The following SUPT3H variants were observed in gnomAD, a reference collection of about 807,000 sequenced individuals.
The protein encoded by SUPT3H is SPT3 homolog, SAGA and STAGA complex component, also known as transcription initiation protein SPT3 homolog.
Under a neutral mutation model 44.3 loss-of-function variants are expected in SUPT3H, and 44 were observed. The ratio of observed to expected loss-of-function variants is 0.99; its 90% CI spans 0.78 to 1.28. The LOEUF (loss-of-function observed/expected upper bound fraction) is 1.28. SUPT3H is among the 50% of genes most tolerant of loss of function. The pLI is 0.00. For missense variants in SUPT3H, 380 were observed against 387.1 expected, an observed-to-expected ratio of 0.98 and a Z score of 0.15; for synonymous variants, 124 against 125.6, an observed-to-expected ratio of 0.99 and a Z score of 0.09.
At chr6:45,108,576 AAAAAG>A (rs1338577309) in intron 2 of SUPT3H, among the ~76,000 whole-genome samples, 2 of 152,194 alleles carry the variant, frequency 1.3e-5, no homozygotes, top group African/African-American at 4.8e-5. Flanking sequence ...TAGAAAATGA[AAAAAG>A]AAAACCTACA....
chr6:45,354,421 C>T (rs897205588), intron 2 of SUPT3H, among the ~76,000 whole-genome samples: 1 of 152,154 alleles, frequency 6.6e-6, no homozygotes, highest in Non-Finnish European at 1.5e-5. Context: ...CAAATGTACA[C>T]ACCCCAAAGT....
At chr6:45,349,316 C>A (rs1791558018) in intron 2 of SUPT3H, among the ~76,000 whole-genome samples, 1 of 152,130 alleles carries the variant, frequency 6.6e-6, no homozygotes, top group Non-Finnish European at 1.5e-5. Context: ...AATGTGGGTT[C>A]TTTCTTGGCT....
At chr6:45,184,003 G>A (rs1813732117) in intron 2 of SUPT3H, among the ~76,000 whole-genome samples, 1 of 152,148 alleles carries the variant, frequency 6.6e-6, no homozygotes, top group African/African-American at 2.4e-5. Flanking sequence ...GTATGATACT[G>A]TAATGGTGCA....
At chr6:45,229,515 G>A (rs1767568300) in intron 2 of SUPT3H, among the ~76,000 whole-genome samples, 1 of 151,934 alleles carries the variant, frequency 6.6e-6, no homozygotes, top group African/African-American at 2.4e-5. Context: ...AGACATAGAT[G>A]GTGTTCTATA....
chr6:45,148,774 T>C lies in SUPT3H; in HGVS notation c.102-42768A>G, dbSNP rs146730003. 4.6e-5 allele frequency among the ~76,000 whole-genome samples: 7 copies of C among 152,300 alleles called. No homozygotes were observed. The East Asian group carries it at 1.2e-3, about 25-fold the overall frequency. ...TTATTTATTAACCATTTAACACTTA[T>C]GATATTTTTTAAATGTGTTACTGAG... On this transcript the variant is annotated intron_variant, in intron 2 of 10. Coordinates refer to ENST00000371459, the MANE Select transcript of SUPT3H (RefSeq NM_003599.4).
At chr6:45,273,495 A>G (rs1250163529) in intron 2 of SUPT3H, among the ~76,000 whole-genome samples, 1 of 152,224 alleles carries the variant, frequency 6.6e-6, no homozygotes. Context: ...TATCCATCTT[A>G]GTCCCTCAAA....
intron 2 of SUPT3H, among the ~76,000 whole-genome samples, chr6:45,341,480 TA>T (rs1789762098): frequency 6.6e-6 from 1 of 152,162 alleles, no homozygotes; most frequent in Admixed American, 6.6e-5. Context: ...AGGATCACAC[TA>T]AAATAAATAC....
chr6:45,318,473 T>C (rs1393140910), intron 2 of SUPT3H, among the ~76,000 whole-genome samples: 2 of 152,256 alleles, frequency 1.3e-5, no homozygotes, highest in East Asian at 3.9e-4. Context: ...AGACCACCAA[T>C]GCAAGATATT....
intron 2 of SUPT3H, among the ~76,000 whole-genome samples, chr6:45,333,460 C>A (rs1328783509): frequency 3.3e-5 from 5 of 151,462 alleles, no homozygotes; most frequent in Non-Finnish European, 7.4e-5. Flanking sequence ...ATTTCCTCCC[C>A]TTTATACTAT....
chr6:45,311,803 A>G (rs12199507), intron 2 of SUPT3H, among the ~76,000 whole-genome samples: 34,576 of 152,128 alleles, frequency 0.23, 4,609 homozygotes, highest in Non-Finnish European at 0.31. Flanking sequence ...AAGAACTGCT[A>G]AAAGGAGCTC....
At chr6:45,330,787 C>T (rs1303374914) in intron 2 of SUPT3H, among the ~76,000 whole-genome samples, 3 of 151,774 alleles carry the variant, frequency 2.0e-5, no homozygotes, top group Non-Finnish European at 4.4e-5. Flanking sequence ...TCCCTCCCCG[C>T]CAGCCCCCAA....
intron 2 of SUPT3H, among the ~76,000 whole-genome samples, chr6:45,252,820 A>G (rs530347881): frequency 2.0e-5 from 3 of 152,344 alleles, no homozygotes; most frequent in Admixed American, 6.5e-5. Context: ...TGTGATGAAT[A>G]AAAGAAAATT....
At chr6:45,232,830 C>T (rs1431527593) in intron 2 of SUPT3H, among the ~76,000 whole-genome samples, 1 of 152,140 alleles carries the variant, frequency 6.6e-6, no homozygotes, top group Admixed American at 6.5e-5. Context: ...ATCCCACTGC[C>T]AGTGAGGGTG....
chr6:44,981,439 G>A (rs10948193), intron 6 of SUPT3H, among the ~76,000 whole-genome samples: 51,154 of 152,006 alleles, frequency 0.34, 9,545 homozygotes, highest in Admixed American at 0.41. Context: ...GGGTAAATAC[G>A]ATTCCAACCC....
At chr6:44,988,703 T>C (rs1780178261) in intron 6 of SUPT3H, among the ~76,000 whole-genome samples, 1 of 151,892 alleles carries the variant, frequency 6.6e-6, no homozygotes, top group South Asian at 2.1e-4. Flanking sequence ...GAAATGCAAT[T>C]TCTGCATCAA....
At chr6:45,063,847 A>G (rs2153544827) in intron 3 of SUPT3H, among the ~76,000 whole-genome samples, 1 of 142,072 alleles carries the variant, frequency 7.0e-6, no homozygotes, top group African/African-American at 2.7e-5. Flanking sequence ...TGTACCTGAA[A>G]GTGACAGGGA....
At chr6:45,105,746 G>A (rs1799185230) in intron 3 of SUPT3H, among the ~76,000 whole-genome samples, 176 bp downstream of exon 3, 1 of 152,046 alleles carries the variant, frequency 6.6e-6, no homozygotes, top group Admixed American at 6.5e-5. Flanking sequence ...TTCCATTGTT[G>A]AGGCTCAGCA....
At chr6:44,945,847 C>G (rs1430321435) in intron 9 of SUPT3H, among the ~76,000 whole-genome samples, 1 of 152,170 alleles carries the variant, frequency 6.6e-6, no homozygotes, top group Non-Finnish European at 1.5e-5. Flanking sequence ...CTACATGTAA[C>G]AACAGATTTT....
At chr6:45,010,574 A>C (rs568171690) in intron 5 of SUPT3H, among the ~76,000 whole-genome samples, 2 of 152,268 alleles carry the variant, frequency 1.3e-5, no homozygotes, top group African/African-American at 4.8e-5. Flanking sequence ...GAGGTTGGGA[A>C]GTCTAAGATC....
Sources: gnomAD v4.1 joint callset for allele counts (sites outside exome capture counted in the v4.1 genomes callset) on GRCh38, gnomAD v4.1.1 for gene constraint, MANE v1.5 for transcripts, NCBI Gene and HGNC (gene_info 2026-07-23, HGNC 2026-07-21) for gene names.